Variants in TTLL5 observed in about 807,000 individuals in gnomAD.
TTLL5 encodes tubulin polyglutamylase TTLL5.
A neutral mutation model predicts 168.4 loss-of-function variants in TTLL5; 132 were observed. The observed-to-expected ratio is 0.78, with a 90% CI of 0.68 to 0.91. The LOEUF is 0.91. TTLL5 is among the 40% of genes least tolerant of loss of function. The pLI is 0.00. For synonymous variants in TTLL5, 546 were observed against 558.6 expected, an observed-to-expected ratio of 0.98 and a Z score of 0.32; for missense variants, 1,545 against 1,581.5, an observed-to-expected ratio of 0.98 and a Z score of 0.39.
chr14:75,926,147 C>T (rs1287386921), intron 31 of TTLL5, among the ~76,000 whole-genome samples: 3 of 132,288 alleles, frequency 2.3e-5, no homozygotes, highest in African/African-American at 8.8e-5. Flanking sequence ...ACTAGGATTG[C>T]AACCCCAGCT....
At chr14:75,771,039 C>T (rs1035229340) in intron 20 of TTLL5, among the ~76,000 whole-genome samples, 10 of 152,176 alleles carry the variant, frequency 6.6e-5, no homozygotes, top group African/African-American at 2.2e-4. Context: ...TTATGGACCT[C>T]CAAATGTAAA....
At chr14:75,699,160 G>GT (rs779303227) in intron 6 of TTLL5, 28 bp from the exon 7 acceptor site, 12 of 1,589,140 alleles carry the variant, frequency 7.6e-6, no homozygotes, top group East Asian at 6.7e-5. Context: ...TGTTTCCTCT[G>GT]TTTTTTATCT....
chr14:75,895,459 T>C (rs1487299353), intron 30 of TTLL5, among the ~76,000 whole-genome samples: 4 of 152,028 alleles, frequency 2.6e-5, no homozygotes, highest in South Asian at 4.1e-4. Flanking sequence ...AAAATATCAA[T>C]ATCAAACGGT....
chr14:75,771,563 C>T (rs1566596771), intron 20 of TTLL5, among the ~76,000 whole-genome samples, 171 bp from the exon 21 acceptor site: 1 of 152,040 alleles, frequency 6.6e-6, no homozygotes, highest in South Asian at 2.1e-4. Context: ...AAAGAAAAAC[C>T]TTCATGTACT....
At chr14:75,673,478 G>A (rs1883899911) in intron 3 of TTLL5, among the ~76,000 whole-genome samples, 1 of 152,124 alleles carries the variant, frequency 6.6e-6, no homozygotes, top group Non-Finnish European at 1.5e-5. Context: ...TCAGCCATTG[G>A]TTCAAATCCC....
At chr14:75,936,963 A>G (rs2034450430) in intron 31 of TTLL5, among the ~76,000 whole-genome samples, 1 of 152,228 alleles carries the variant, frequency 6.6e-6, no homozygotes, top group Non-Finnish European at 1.5e-5. Context: ...AAATTATAAA[A>G]CAATTCATGC....
At position 75,793,387 on chromosome 14, in the gene TTLL5, T is replaced by A. The variant is rs959699522; in HGVS notation, c.3171+287T>A. Among the ~76,000 whole-genome samples the A allele has an allele frequency of 3.9e-5, 6 of 152,216 alleles. 1 individual carries two copies. In the South Asian group the frequency reaches 1.0e-3, roughly 26 times the overall value. On this transcript the variant is annotated intron_variant, in intron 27 of 31. Transcript: ENST00000298832. ...CATCTGTAAATATAATTTTAAAGGATCTTTAAAAATAAGTTCTTTTCTTTG... is the reference window on the plus strand; with the variant it reads ...CATCTGTAAATATAATTTTAAAGGAACTTTAAAAATAAGTTCTTTTCTTTG...
At chr14:75,748,281 T>TAAAA (rs35811861) in intron 17 of TTLL5, among the ~76,000 whole-genome samples, 1 of 143,428 alleles carries the variant, frequency 7.0e-6, no homozygotes, top group Non-Finnish European at 1.5e-5. Flanking sequence ...AACTTTTTCT[T>TAAAA]AAAAAAAAAA....
chr14:75,683,386 G>A (rs915457767), intron 4 of TTLL5, among the ~76,000 whole-genome samples, 164 bp from the exon 5 acceptor site: 2 of 152,220 alleles, frequency 1.3e-5, no homozygotes, highest in African/African-American at 4.8e-5. Flanking sequence ...AACTTGTTCT[G>A]TGATACACTG....
At chr14:75,682,548 C>A (rs1884701043) in intron 4 of TTLL5, among the ~76,000 whole-genome samples, 1 of 152,082 alleles carries the variant, frequency 6.6e-6, no homozygotes, top group South Asian at 2.1e-4. Flanking sequence ...TGGATCCACT[C>A]CTTGCAGGAG....
At chr14:75,896,702 T>C (rs944553740) in intron 30 of TTLL5, among the ~76,000 whole-genome samples, 2 of 152,112 alleles carry the variant, frequency 1.3e-5, no homozygotes, top group Non-Finnish European at 2.9e-5. Flanking sequence ...AAACAGACCT[T>C]AAAGAAAGCA....
At chr14:75,789,951 A>C (rs984122174) in intron 26 of TTLL5, among the ~76,000 whole-genome samples, 1 of 152,220 alleles carries the variant, frequency 6.6e-6, no homozygotes, top group African/African-American at 2.4e-5. Context: ...CACCTTATTA[A>C]TATAAAGGTC....
At chr14:75,747,665 A>G (rs1448659083) in intron 17 of TTLL5, among the ~76,000 whole-genome samples, 2 of 152,030 alleles carry the variant, frequency 1.3e-5, no homozygotes, top group Non-Finnish European at 2.9e-5. Flanking sequence ...TTCCTCCACT[A>G]AAGAGTCTTT....
At position 75,752,968 on chromosome 14, in the gene TTLL5, T is replaced by C. The variant is rs759420778; in HGVS notation, c.1550+13T>C. On this transcript the variant is annotated intron_variant, in intron 18 of 31. Transcript: ENST00000298832. The stretch of plus-strand genomic sequence containing the variant: ...TCTTCCAGGACAGGTAGAGATTTGC[T>C]AAACTTTAAATTTAGGACTAGATCA... The C allele has an allele frequency of 5.0e-6, 8 of 1,610,748 alleles. No individual in the cohort carries two copies. Among genetic ancestry groups the C allele is most frequent in the African/African-American group, 1.3e-5 (1 of 74,860 alleles).
intron 27 of TTLL5, among the ~76,000 whole-genome samples, chr14:75,796,636 A>T (rs1456136973): frequency 1.3e-5 from 2 of 152,076 alleles, no homozygotes; most frequent in East Asian, 3.8e-4. Flanking sequence ...TCATTCTTCT[A>T]CATGTGGCTT....
intron 17 of TTLL5, among the ~76,000 whole-genome samples, chr14:75,747,648 A>G (rs993119642): frequency 1.3e-5 from 2 of 151,958 alleles, no homozygotes; most frequent in African/African-American, 4.8e-5. Flanking sequence ...GTCTAGATCC[A>G]GGTTAGTTCC....
At position 75,822,007 on chromosome 14, in the gene TTLL5, A is replaced by G. The variant is rs930829735; in HGVS notation, c.3326+1846A>G. On this transcript the variant is annotated intron_variant, in intron 28 of 31. Transcript: ENST00000298832. ...CCTCTGGTTGCCAGCACTGCCTGCAACCTGAGCTTGAGAGTCCCAGTTCCA... is the reference window on the plus strand; with the variant it reads ...CCTCTGGTTGCCAGCACTGCCTGCAGCCTGAGCTTGAGAGTCCCAGTTCCA... Among the ~76,000 whole-genome samples the G allele has an allele frequency of 3.3e-5, 5 of 152,112 alleles. No homozygotes were observed. The East Asian group carries it at 7.7e-4, about 23-fold the overall frequency.
intron 23 of TTLL5, among the ~76,000 whole-genome samples, chr14:75,778,398 G>A (rs1891847226): frequency 6.6e-6 from 1 of 152,202 alleles, no homozygotes; most frequent in Non-Finnish European, 1.5e-5. Context: ...ATATAAAGCA[G>A]CTTGTATTTT....
chr14:75,796,031 A>T (rs1384440387), intron 27 of TTLL5, among the ~76,000 whole-genome samples: 1 of 152,188 alleles, frequency 6.6e-6, no homozygotes, highest in Non-Finnish European at 1.5e-5. Context: ...TGGTTGTACT[A>T]GTTTACATTC....
Sources: gnomAD v4.1 joint callset for allele counts (sites outside exome capture counted in the v4.1 genomes callset) on GRCh38, gnomAD v4.1.1 for gene constraint, MANE v1.5 for transcripts, NCBI Gene and HGNC (gene_info 2026-07-23, HGNC 2026-07-21) for gene names.